DRAM2: variants seen among roughly 807,000 people sequenced by gnomAD.
The protein encoded by DRAM2 is DNA damage regulated autophagy modulator 2, also known as DNA damage-regulated autophagy modulator protein 2.
Under a neutral mutation model 33.5 loss-of-function variants are expected in DRAM2, and 26 were observed. The ratio of observed to expected loss-of-function variants is 0.78; its 90% CI spans 0.57 to 1.08. The LOEUF is 1.08. Among genes scored for constraint, DRAM2 ranks in the 50% least tolerant of loss-of-function variants. The pLI is 0.00. For synonymous variants in DRAM2, 98 were observed against 109.5 expected (o/e 0.89, Z 0.66); for missense variants, 311 against 318.1 (o/e 0.98, Z 0.17).
chr1:111,138,943 A>C lies in DRAM2; in HGVS notation c.-79+558T>G, dbSNP rs72977957. 1.1e-3 allele frequency: 161 copies of C among 152,344 alleles called. 1 individual carries two copies. The highest frequency in any genetic ancestry group is 3.8e-3 in the African/African-American group (160 of 41,578). The allele number at this position is 152,344 out of a possible 1,614,324, so 9.4% of individuals were successfully genotyped here. ...TCATGCTGTCTTCGCCAAGTGGTGA[A>C]TGCTAAGAAATAAGAAAGGAAATTC... is the stretch of plus-strand genomic sequence containing the variant. On this transcript the variant is annotated intron_variant, in intron 2 of 9. Transcript: ENST00000484310.
intron 3 of DRAM2, among the ~76,000 whole-genome samples, chr1:111,132,645 G>C (rs1652332151): frequency 6.6e-6 from 1 of 151,658 alleles, no homozygotes; most frequent in African/African-American, 2.4e-5. Flanking sequence ...TATTGAGTGA[G>C]AGAACAGGAA....
At chr1:111,129,466 C>T (rs770405356) in intron 4 of DRAM2, among the ~76,000 whole-genome samples, 60 of 152,254 alleles carry the variant, frequency 3.9e-4, no homozygotes, top group Middle Eastern at 3.4e-3. Context: ...CATCTCCCTG[C>T]CCTATGTAAT....
intron 3 of DRAM2, among the ~76,000 whole-genome samples, chr1:111,136,682 TTAAATTAAAATCTCGA>T (rs1653248231): frequency 6.6e-6 from 1 of 152,244 alleles, no homozygotes; most frequent in African/African-American, 2.4e-5. Flanking sequence ...ATGTAACTAT[TTAAATTAAAATCTCGA>T]TAGATTAAAA....
Position 111,118,915 on chromosome 1 carries a change from A to C in DRAM2, c.601-18T>G. On this transcript the variant is annotated intron_variant, in intron 8 of 9. Transcript: ENST00000484310. ...ACATAACCCTGAGTGATGGGAAAAA[A>C]AGAATAGTTTTGTGAAATTTCATTT... 6.4e-7 allele frequency: 1 copy of C among 1,559,794 alleles called. No individual in the cohort carries two copies. The highest frequency in any genetic ancestry group is 1.4e-5 in the African/African-American group (1 of 72,718).
At chr1:111,130,967 A>G (rs1651963398) in intron 4 of DRAM2, among the ~76,000 whole-genome samples, 1 of 148,258 alleles carries the variant, frequency 6.7e-6, no homozygotes, top group Non-Finnish European at 1.5e-5. Context: ...AGCTGAGATC[A>G]TGCCACTGCA....
chr1:111,119,209 T>C (rs1282195849), intron 8 of DRAM2, among the ~76,000 whole-genome samples: 1 of 152,002 alleles, frequency 6.6e-6, no homozygotes, highest in Non-Finnish European at 1.5e-5. Context: ...ATTCATAATA[T>C]GCAACTAAGA....
Position 111,117,769 on chromosome 1 carries a change from TGG to T in DRAM2, c.*389_*390del, listed in dbSNP as rs1199689480. 5.5e-6 allele frequency: 1 copy of T among 182,576 alleles called. No individual in the cohort carries two copies. Among genetic ancestry groups the T allele is most frequent in the Non-Finnish European group, 1.2e-5 (1 of 86,242 alleles). 11.3% of individuals were successfully genotyped at this position (182,576 alleles called of 1,614,324 possible). ...CTGACTAATGCTGATTATTTAGTCATGGAAAATGTCTCTCATAAAAGTGCTCC... is the reference window on the plus strand; with the variant it reads ...CTGACTAATGCTGATTATTTAGTCATAAAATGTCTCTCATAAAAGTGCTCC... On this transcript the variant is annotated 3_prime_UTR_variant, in exon 10 of 10. Coordinates refer to ENST00000484310, the MANE Select transcript of DRAM2 (RefSeq NM_001349884.2).
intron 4 of DRAM2, among the ~76,000 whole-genome samples, chr1:111,129,378 G>A (rs1164464510): frequency 6.6e-6 from 1 of 152,004 alleles, no homozygotes; most frequent in East Asian, 1.9e-4. Flanking sequence ...CTATATTCCA[G>A]GTGAAATCAT....
intron 6 of DRAM2, among the ~76,000 whole-genome samples, chr1:111,121,167 T>G (rs887295420): frequency 6.6e-5 from 10 of 152,070 alleles, no homozygotes; most frequent in Admixed American, 1.3e-4. Context: ...AAGATTAGGA[T>G]GGACTGCAGT....
At chr1:111,125,434 C>T (rs977938314) in intron 5 of DRAM2, 1 of 152,346 alleles carries the variant, frequency 6.6e-6, no homozygotes, top group African/African-American at 2.4e-5. Flanking sequence ...CTCAGTAAGA[C>T]ATAGTAGCCA....
intron 4 of DRAM2, among the ~76,000 whole-genome samples, chr1:111,127,493 GAAAC>G (rs1479488332): frequency 6.6e-6 from 1 of 150,860 alleles, no homozygotes; most frequent in East Asian, 1.9e-4. Context: ...TGAAAATAGA[GAAAC>G]AAAAAATAAT....
At chr1:111,138,340 A>G (rs1653693744) in intron 2 of DRAM2, among the ~76,000 whole-genome samples, 2 of 152,242 alleles carry the variant, frequency 1.3e-5, no homozygotes, top group Admixed American at 6.5e-5. Context: ...CTAATTGTCA[A>G]TGTGTTTTTG....
At chr1:111,124,590 T>C in intron 6 of DRAM2, 152 bp downstream of exon 6, 1 of 774,682 alleles carries the variant, frequency 1.3e-6, no homozygotes, top group Non-Finnish European at 2.0e-6. Flanking sequence ...AGTAGCTATT[T>C]CTAATAGGGT....
In DRAM2 at chr1:111,126,120, C is replaced by T. The variant is rs537617366; in HGVS notation, c.199+107G>A. The T allele has an allele frequency of 3.4e-5, 24 of 700,760 alleles. No individual in the cohort carries two copies. In the East Asian group the frequency reaches 4.5e-4, roughly 13 times the overall value. 43.4% of individuals were successfully genotyped at this position (700,760 alleles called of 1,614,324 possible). On this transcript the variant is annotated intron_variant, in intron 5 of 9. Coordinates refer to ENST00000484310, the MANE Select transcript of DRAM2 (RefSeq NM_001349884.2). Reference sequence around the variant, plus strand: ...TGATCAATTATTTAGTGATAACATACTCTCAAGTATAACTAGAAAGTAAAA... The same window carrying T: ...TGATCAATTATTTAGTGATAACATATTCTCAAGTATAACTAGAAAGTAAAA...
intron 6 of DRAM2, 60 bp downstream of exon 6, chr1:111,124,682 C>G: frequency 1.9e-6 from 3 of 1,561,514 alleles, no homozygotes; most frequent in Non-Finnish European, 2.6e-6. Flanking sequence ...TCAGGTTTCC[C>G]TTTTAATATA....
chr1:111,128,362 A>G (rs1651436962), intron 4 of DRAM2, among the ~76,000 whole-genome samples: 1 of 152,170 alleles, frequency 6.6e-6, no homozygotes, highest in Admixed American at 6.5e-5. Context: ...TACTAAGTTC[A>G]TTAGCAGAAA....
At chr1:111,124,259 G>C (rs907800591) in intron 6 of DRAM2, among the ~76,000 whole-genome samples, 1 of 152,172 alleles carries the variant, frequency 6.6e-6, no homozygotes, top group African/African-American at 2.4e-5. Flanking sequence ...CTGAGAAAAA[G>C]CTAGAAGACC....
Position 111,120,643 on chromosome 1 carries a change from A to G in DRAM2, c.390T>C (p.Gly130=). 5 of 1,608,812 alleles carry G rather than the reference A, an allele frequency of 3.1e-6. No individual in the cohort carries two copies. Among genetic ancestry groups the G allele is most frequent in the Non-Finnish European group, 4.2e-6 (5 of 1,177,216 alleles). Residue 130 remains glycine (G), a synonymous_variant, in exon 7 of 10, where the codon GGT becomes GGC. Transcript: ENST00000484310. ...AHVSGAVLTF[G]MGSLYMFVQT... is the part of the protein sequence containing the mutation. ...GAACAAACATATATAATGAGCCCAT[A>G]CCAAAGGTAAGCACAGCTCCACTTA...
chr1:111,134,130 C>T (rs1454599339), intron 3 of DRAM2, among the ~76,000 whole-genome samples: 1 of 152,126 alleles, frequency 6.6e-6, no homozygotes, highest in Admixed American at 6.5e-5. Context: ...CCTTGAATTC[C>T]AGATTAAGGA....
Sources: gnomAD v4.1 joint callset for allele counts (sites outside exome capture counted in the v4.1 genomes callset) on GRCh38, gnomAD v4.1.1 for gene constraint, MANE v1.5 for transcripts, NCBI Gene and HGNC (gene_info 2026-07-23, HGNC 2026-07-21) for gene names.